The following VEPH1 variants were observed in gnomAD, a reference collection of about 807,000 sequenced individuals.
VEPH1 encodes ventricular zone expressed PH domain containing 1.
In VEPH1, 80 loss-of-function variants were observed where a neutral mutation model predicts 85.2. That is an observed-to-expected ratio of 0.94 (90% confidence interval 0.78 to 1.13). VEPH1 has a LOEUF of 1.13. VEPH1 is among the 50% of genes most tolerant of loss of function. The probability of loss-of-function intolerance (pLI) is 0.00; values close to 1 mark genes in which losing one functional copy is unlikely to be tolerated. For synonymous variants in VEPH1, 297 were observed against 348.0 expected, an observed-to-expected ratio of 0.85 and a Z score of 1.63; for missense variants, 955 against 980.5, an observed-to-expected ratio of 0.97 and a Z score of 0.35.
At chr3:157,465,941 G>A (rs1315629203) in intron 3 of VEPH1, among the ~76,000 whole-genome samples, 1 of 152,174 alleles carries the variant, frequency 6.6e-6, no homozygotes, top group Non-Finnish European at 1.5e-5. Context: ...TAAATACATG[G>A]CAATGGCTCT....
At chr3:157,344,013 T>C (rs1214443333) in intron 9 of VEPH1, among the ~76,000 whole-genome samples, 2 of 152,180 alleles carry the variant, frequency 1.3e-5, no homozygotes, top group Non-Finnish European at 2.9e-5. Flanking sequence ...AATTAGGTAT[T>C]GATGGGACGT....
At chr3:157,329,348 A>G (rs961981820) in intron 9 of VEPH1, among the ~76,000 whole-genome samples, 5 of 151,798 alleles carry the variant, frequency 3.3e-5, no homozygotes, top group Non-Finnish European at 7.3e-5. Flanking sequence ...TGAAGGCAAC[A>G]GGAATCGAAG....
In VEPH1 at chr3:157,351,984, AG is replaced by A. The variant is rs1724916414; in HGVS notation, c.1735+11379del. 3.9e-5 allele frequency among the ~76,000 whole-genome samples: 6 copies of A among 152,326 alleles called. No individual in the cohort carries two copies. The South Asian group carries it at 1.2e-3, about 32-fold the overall frequency. On this transcript the variant is annotated intron_variant, in intron 9 of 13. Transcript: ENST00000362010. ...GGGGAGACAAAATTACCTCTGGTTT[AG>A]AATAATTGCTCTATTGTTATGTTTA...
chr3:157,356,143 C>T (rs1274382274), intron 9 of VEPH1, among the ~76,000 whole-genome samples: 2 of 152,144 alleles, frequency 1.3e-5, no homozygotes, highest in Non-Finnish European at 2.9e-5. Flanking sequence ...AAGCAACTCA[C>T]CCACCTCGGC....
intron 4 of VEPH1, chr3:157,436,853 C>G: frequency 1.3e-6 from 2 of 1,484,116 alleles, no homozygotes; most frequent in Non-Finnish European, 1.8e-6. Flanking sequence ...GCCTCTCACT[C>G]TCACTCTCCT....
intron 6 of VEPH1, among the ~76,000 whole-genome samples, chr3:157,383,988 A>G (rs1254315800): frequency 2.0e-5 from 3 of 152,132 alleles, no homozygotes; most frequent in African/African-American, 7.2e-5. Context: ...TTCCTGATTT[A>G]AAGGTAAAAG....
At chr3:157,337,994 G>A (rs1030923098) in intron 9 of VEPH1, among the ~76,000 whole-genome samples, 1 of 151,946 alleles carries the variant, frequency 6.6e-6, no homozygotes, top group South Asian at 2.1e-4. Flanking sequence ...TTATGTTCTG[G>A]GGAGGTCTTT....
Position 157,438,031 on chromosome 3 carries a change from GCGCGCGCA to G in VEPH1, c.530-9551_530-9544del, listed in dbSNP as rs1313857814. ...AAGCTTTCATGGGAAGCGCGCGCGC[GCGCGCGCA>G]CACACACACACACACACACACACAC... is the stretch of plus-strand genomic sequence containing the variant. On this transcript the variant is annotated intron_variant, in intron 4 of 13. Coordinates refer to ENST00000362010, the MANE Select transcript of VEPH1 (RefSeq NM_001167912.2). 128 of 820,246 alleles carry G rather than the reference GCGCGCGCA, an allele frequency of 1.6e-4. No homozygotes were observed. The African/African-American group carries it at 2.2e-3, about 14-fold the overall frequency. 50.8% of individuals were successfully genotyped at this position (820,246 alleles called of 1,614,324 possible).
intron 4 of VEPH1, among the ~76,000 whole-genome samples, chr3:157,453,072 G>C (rs1226856721): frequency 1.3e-5 from 2 of 152,062 alleles, no homozygotes; most frequent in African/African-American, 4.8e-5. Flanking sequence ...AGATCAAAGA[G>C]AAAAAAAGAG....
At chr3:157,285,272 G>C (rs1242830844) in intron 12 of VEPH1, 1 of 152,200 alleles carries the variant, frequency 6.6e-6, no homozygotes, top group Non-Finnish European at 1.5e-5. Flanking sequence ...TCCAGACTCT[G>C]TAATCAGCCA....
chr3:157,404,181 G>T (rs1312838012), intron 6 of VEPH1, among the ~76,000 whole-genome samples: 1 of 152,088 alleles, frequency 6.6e-6, no homozygotes, highest in Non-Finnish European at 1.5e-5. Context: ...AGTCTCTATG[G>T]AACAGTTAGT....
In VEPH1 at chr3:157,261,098, T is replaced by C. The variant is rs759009516; in HGVS notation, c.*36A>G. On this transcript the variant is annotated 3_prime_UTR_variant, in exon 14 of 14. Transcript: ENST00000362010. The stretch of plus-strand genomic sequence containing the variant: ...ACATTGGCAATGATAATACAATGCC[T>C]GTGGTGTATAATTGTCATGGCTGAC... The C allele has an allele frequency of 6.2e-7, 1 of 1,610,388 alleles. No homozygotes were observed. Among genetic ancestry groups the C allele is most frequent in the South Asian group, 1.1e-5 (1 of 90,738 alleles).
At chr3:157,416,242 T>C (rs1731901128) in intron 5 of VEPH1, among the ~76,000 whole-genome samples, 1 of 152,182 alleles carries the variant, frequency 6.6e-6, no homozygotes, top group Non-Finnish European at 1.5e-5. Flanking sequence ...TGTTTAAACA[T>C]ATACTGTCAT....
chr3:157,488,101 A>G (rs976949625), intron 2 of VEPH1, among the ~76,000 whole-genome samples: 1 of 152,212 alleles, frequency 6.6e-6, no homozygotes, highest in African/African-American at 2.4e-5. Context: ...TAAAGTGATG[A>G]CTTACACATA....
chr3:157,461,195 C>T (rs918116291), intron 3 of VEPH1, among the ~76,000 whole-genome samples: 1 of 152,016 alleles, frequency 6.6e-6, no homozygotes, highest in African/African-American at 2.4e-5. Flanking sequence ...ATAAAGTAGT[C>T]CTATTAGCAT....
intron 4 of VEPH1, chr3:157,437,623 C>T: frequency 6.4e-7 from 1 of 1,559,614 alleles, no homozygotes; most frequent in Non-Finnish European, 8.7e-7. Flanking sequence ...GGACGACGTC[C>T]TGCGGGGCGA....
intron 7 of VEPH1, among the ~76,000 whole-genome samples, chr3:157,372,917 T>C (rs1727675748): frequency 6.6e-6 from 1 of 152,240 alleles, no homozygotes; most frequent in African/African-American, 2.4e-5. Context: ...CATCACAGTC[T>C]GATAAGAAAC....
At chr3:157,427,398 G>A (rs769400634) in intron 5 of VEPH1, among the ~76,000 whole-genome samples, 1 of 151,464 alleles carries the variant, frequency 6.6e-6, no homozygotes, top group Non-Finnish European at 1.5e-5. Flanking sequence ...CATTACAGGC[G>A]TGAGCCACTG....
intron 4 of VEPH1, among the ~76,000 whole-genome samples, chr3:157,436,182 T>C (rs1176909947): frequency 4.6e-5 from 7 of 151,716 alleles, no homozygotes; most frequent in Non-Finnish European, 7.4e-5. Flanking sequence ...GAAGCTGAGG[T>C]AGGAGAATCG....
Sources: gnomAD v4.1 joint callset for allele counts (sites outside exome capture counted in the v4.1 genomes callset) on GRCh38, gnomAD v4.1.1 for gene constraint, MANE v1.5 for transcripts, NCBI Gene and HGNC (gene_info 2026-07-23, HGNC 2026-07-21) for gene names.